Variants in ALDH3A2 observed in about 807,000 individuals in gnomAD.
The protein encoded by ALDH3A2 is aldehyde dehydrogenase family 3 member A2.
Under a neutral mutation model 51.3 loss-of-function variants are expected in ALDH3A2, and 36 were observed. The ratio of observed to expected loss-of-function variants is 0.70; its 90% CI spans 0.54 to 0.93. ALDH3A2 has a LOEUF of 0.93. Ranked by LOEUF, ALDH3A2 falls within the 40% of genes least tolerant of loss-of-function variation. The pLI is 0.00. For synonymous variants in ALDH3A2, 199 were observed against 219.8 expected (o/e 0.91, Z 0.84); for missense variants, 552 against 603.1 (o/e 0.92, Z 0.89).
In ALDH3A2 at chr17:19,661,191, T is replaced by A; in HGVS notation, c.863T>A (p.Phe288Tyr). 1 of 1,614,046 alleles carries A rather than the reference T, an allele frequency of 6.2e-7. No homozygotes were observed. Among genetic ancestry groups the A allele is most frequent in the Non-Finnish European group, 8.5e-7 (1 of 1,179,902 alleles). The change falls in exon 6 of 10, where the codon TTT (phenylalanine) becomes TAT (tyrosine). Residue 288 changes from phenylalanine to tyrosine, a missense_variant. Phe to Tyr is a conservative substitution (Grantham distance 22, BLOSUM62 3). Coordinates refer to ENST00000176643, the MANE Select transcript of ALDH3A2 (RefSeq NM_000382.3). ...GAAAGGATCATCAATCTTCGTCATT[T>A]TAAGAGGATACTAAGTTTGCTTGAA... ...DYERIINLRH[F>Y]KRILSLLEGQ...
chr17:19,649,168 G>T (rs760908543), intron 1 of ALDH3A2, 44 bp downstream of exon 1: 2 of 1,537,084 alleles, frequency 1.3e-6, no homozygotes, highest in South Asian at 2.4e-5. Flanking sequence ...GGCCCCCGCC[G>T]CGCACTTGTG....
In ALDH3A2 at chr17:19,651,568, C is replaced by T; in HGVS notation, c.175C>T (p.Gln59Ter). 1 of 1,613,732 alleles carries T rather than the reference C, an allele frequency of 6.2e-7. No homozygotes were observed. The highest frequency in any genetic ancestry group is 2.2e-5 in the East Asian group (1 of 44,878). ...ACAGAGTGAATTCAATGTGTACAGT[C>T]AGGAAGTCATTACTGTCCTTGGGGA... ...LCKSEFNVYS[Q>*]EVITVLGEID... The change falls in exon 2 of 10, where the codon CAG (glutamine) becomes TAG (stop). Residue 59 changes from glutamine (Q) to a stop codon, truncating the protein, a stop_gained. Transcript: ENST00000176643. LOFTEE classifies it high-confidence loss of function.
chr17:19,675,284 T>A lies in ALDH3A2; in HGVS notation c.1444-274T>A, dbSNP rs932597579. On this transcript the variant is annotated intron_variant, in intron 9 of 9. Transcript: ENST00000176643. ...CTCATCTTCTGTCTCTACTCTGACA[T>A]TAGCTAGTTGACAGTGGACAGAATA... 10 of 446,274 alleles carry A rather than the reference T, an allele frequency of 2.2e-5. No homozygotes were observed. The Admixed American group carries it at 3.5e-4, about 16-fold the overall frequency. The allele number at this position is 446,274 out of a possible 1,614,324, so 27.6% of individuals were successfully genotyped here. A position where few individuals can be genotyped will look rare whatever the true frequency, so the allele number is the denominator to read the frequency against.
intron 7 of ALDH3A2, among the ~76,000 whole-genome samples, chr17:19,664,299 A>G (rs1323129448): frequency 6.6e-6 from 1 of 152,208 alleles, no homozygotes; most frequent in East Asian, 1.9e-4. Context: ...GCCAGGGTAT[A>G]AGTCAGGTGT....
intron 8 of ALDH3A2, among the ~76,000 whole-genome samples, chr17:19,668,023 G>C (rs550753598): frequency 6.6e-6 from 1 of 152,132 alleles, no homozygotes; most frequent in East Asian, 1.9e-4. Flanking sequence ...GACAGAAAAG[G>C]GTCTCATTTC....
intron 1 of ALDH3A2, 40 bp downstream of exon 1, chr17:19,649,164 C>T (rs1800870): frequency 6.5e-7 from 1 of 1,537,988 alleles, no homozygotes; most frequent in Non-Finnish European, 8.8e-7. Flanking sequence ...AACTGGCCCC[C>T]GCCGCGCACT....
At chr17:19,672,251 G>T (rs2085127272) in intron 9 of ALDH3A2, 2 of 466,738 alleles carry the variant, frequency 4.3e-6, no homozygotes, top group Non-Finnish European at 7.8e-6. Context: ...CTGATCTCTG[G>T]TCTAAGAGAT....
chr17:19,661,229 G>A lies in ALDH3A2; in HGVS notation c.901G>A (p.Ala301Thr). ...AAGTTTGCTTGAAGGACAAAAGATA[G>A]CTTTTGGTGGGGAGACTGATGAGGC... ...ILSLLEGQKI[A>T]FGGETDEATR... The change falls in exon 6 of 10, where the codon GCT (alanine) becomes ACT (threonine). Residue 301 changes from alanine (A) to threonine (T), a missense_variant. Ala to Thr is a moderately conservative substitution (Grantham distance 58). Coordinates refer to ENST00000176643, the MANE Select transcript of ALDH3A2 (RefSeq NM_000382.3). 6.2e-7 allele frequency: 1 copy of A among 1,614,100 alleles called. No homozygotes were observed. Among genetic ancestry groups the A allele is most frequent in the Non-Finnish European group, 8.5e-7 (1 of 1,180,004 alleles).
chr17:19,672,271 G>A (rs1464585477), intron 9 of ALDH3A2: 22 of 408,356 alleles, frequency 5.4e-5, no homozygotes, highest in Non-Finnish European at 9.1e-5. Flanking sequence ...TTAAAACAGC[G>A]TAGAACTTGA....
chr17:19,648,241 A>G (rs1320998800), upstream of ALDH3A2: 1 of 152,362 alleles, frequency 6.6e-6, no homozygotes, highest in Non-Finnish European at 1.5e-5. Flanking sequence ...GCCCTCAGGG[A>G]CTAGCTCTCC....
At chr17:19,649,930 A>G (rs1328177729) in intron 1 of ALDH3A2, 3 of 158,436 alleles carry the variant, frequency 1.9e-5, no homozygotes, top group Non-Finnish European at 2.8e-5. Context: ...TTTTGCTTTT[A>G]AGACGGAGTC....
intron 8 of ALDH3A2, among the ~76,000 whole-genome samples, chr17:19,666,831 AACAAGCAAC>A (rs1262045711): frequency 2.0e-5 from 3 of 150,840 alleles, no homozygotes; most frequent in Admixed American, 1.3e-4. Flanking sequence ...AATAAAATAA[AACAAGCAAC>A]CTATTATATA....
At chr17:19,661,854 A>G (rs558177902) in intron 6 of ALDH3A2, 35 of 151,902 alleles carry the variant, frequency 2.3e-4, no homozygotes, top group Admixed American at 1.9e-3. Context: ...ATAAGATGCT[A>G]TAAGTCACCA....
chr17:19,657,888 A>T, intron 5 of ALDH3A2, 26 bp downstream of exon 5: 1 of 1,513,354 alleles, frequency 6.6e-7, no homozygotes, highest in Non-Finnish European at 9.2e-7. Context: ...ATCTGATTCC[A>T]CTGATTTTAA....
chr17:19,649,218 T>G, intron 1 of ALDH3A2, 94 bp downstream of exon 1: 1 of 1,473,398 alleles, frequency 6.8e-7, no homozygotes, highest in South Asian at 1.3e-5. Context: ...GCTTTTACAT[T>G]TCGGATTACT....
intron 5 of ALDH3A2, chr17:19,659,705 C>G (rs2386145): frequency 0.58 from 87,537 of 151,722 alleles, 25,891 homozygotes; most frequent in East Asian, 0.98. Flanking sequence ...TTCAGGTGTA[C>G]CGGCGTGTAC....
At chr17:19,659,546 CA>C in intron 5 of ALDH3A2, 1 of 150,890 alleles carries the variant, frequency 6.6e-6, no homozygotes, top group Middle Eastern at 3.4e-3. Context: ...CTCAAAAAAA[CA>C]AAAAAAGAGA....
Position 19,677,490 on chromosome 17 carries a change from C to T in ALDH3A2, c.*1918C>T, listed in dbSNP as rs762036695. On this transcript the variant is annotated 3_prime_UTR_variant, in exon 10 of 10. Transcript: ENST00000176643. ...TGAACATATTTCATAAAATTGGCATCAATTTTAATGACGCTCCTGGTATGG... is the reference window on the plus strand; with the variant it reads ...TGAACATATTTCATAAAATTGGCATTAATTTTAATGACGCTCCTGGTATGG... 1 of 152,170 alleles carries T rather than the reference C, an allele frequency of 6.6e-6. No individual in the cohort carries two copies. The highest frequency in any genetic ancestry group is 1.5e-5 in the Non-Finnish European group (1 of 68,028). The allele number at this position is 152,170 out of a possible 1,614,324, so 9.4% of individuals were successfully genotyped here.
At chr17:19,657,665 A>T (rs2084914043) in intron 4 of ALDH3A2, 80 bp from the exon 5 acceptor site, 1 of 1,117,868 alleles carries the variant, frequency 8.9e-7, no homozygotes, top group African/African-American at 1.5e-5. Flanking sequence ...GTTGCAAGAC[A>T]TTCAAACAAC....
Sources: gnomAD v4.1 joint callset for allele counts (sites outside exome capture counted in the v4.1 genomes callset) on GRCh38, gnomAD v4.1.1 for gene constraint, MANE v1.5 for transcripts, NCBI Gene and HGNC (gene_info 2026-07-23, HGNC 2026-07-21) for gene names.